Variants in DZIP1L observed in about 807,000 individuals in gnomAD.
The protein encoded by DZIP1L is cilium assembly protein DZIP1L.
DZIP1L carries 90 observed loss-of-function variants against 88.7 expected under a neutral mutation model. The observed-to-expected ratio is 1.02, with a 90% CI of 0.86 to 1.21. The LOEUF is 1.21. DZIP1L is among the 50% of genes most tolerant of loss of function. The probability of loss-of-function intolerance (pLI) is 0.00; values close to 1 mark genes in which losing one functional copy is unlikely to be tolerated. For synonymous variants in DZIP1L, 363 were observed against 372.1 expected (o/e 0.98, Z 0.28); for missense variants, 932 against 955.8 (o/e 0.98, Z 0.33).
rs1326243417 is a variant in DZIP1L at position 138,106,246 on chromosome 3, C to A, written c.-81-2194G>T. On this transcript the variant is annotated intron_variant, in intron 1 of 15. Coordinates refer to ENST00000327532, the MANE Select transcript of DZIP1L (RefSeq NM_173543.3). ...CTCCACCTCCCGGGTTCATGCAATT[C>A]TCCTGCCTCAGCCTCCAGAGTAGCC... Among the ~76,000 whole-genome samples, 7 of 141,032 alleles carry A rather than the reference C, an allele frequency of 5.0e-5. 1 individual carries two copies. The Admixed American group carries it at 5.4e-4, about 11-fold the overall frequency. 92.5% of individuals were successfully genotyped at this position (141,032 alleles called of 152,430 possible).
chr3:138,095,361 T>C (rs1944420493), intron 3 of DZIP1L, among the ~76,000 whole-genome samples: 1 of 152,158 alleles, frequency 6.6e-6, no homozygotes, highest in South Asian at 2.1e-4. Flanking sequence ...GAATATCAAA[T>C]AGCATGTACA....
chr3:138,077,405 C>T, intron 11 of DZIP1L, 94 bp downstream of exon 11: 2 of 1,551,776 alleles, frequency 1.3e-6, no homozygotes, highest in Non-Finnish European at 8.8e-7. Context: ...AATGAGCTCA[C>T]AATGCAAAGA....
chr3:138,068,173 G>A lies in DZIP1L; in HGVS notation c.1810C>T (p.Pro604Ser), dbSNP rs1576433135. The stretch of plus-strand genomic sequence containing the variant: ...CACCTCATCCCGGGCCCCGAGGAAG[G>A]AGGGGTGCTGGAGGGTCCATGCAGT... ...PGLHGPSSTP[P>S]SSGPGMSTPP... Residue 604 changes from proline (P) to serine (S), a missense_variant, in exon 13 of 16, where the codon CCT becomes TCT. By Grantham distance (74) the Pro-to-Ser change is moderately conservative. Transcript: ENST00000327532. 1.3e-6 allele frequency: 2 copies of A among 1,528,308 alleles called. No individual in the cohort carries two copies. The highest frequency in any genetic ancestry group is 1.8e-6 in the Non-Finnish European group (2 of 1,134,550). The allele number at this position is 1,528,308 out of a possible 1,614,324, so 94.7% of individuals were successfully genotyped here.
intron 2 of DZIP1L, among the ~76,000 whole-genome samples, chr3:138,099,749 C>A (rs1368468851): frequency 6.6e-6 from 1 of 152,148 alleles, no homozygotes; most frequent in African/African-American, 2.4e-5. Context: ...CCCCTTACTT[C>A]CTCTCTTGCA....
chr3:138,069,299 T>A (rs407009), intron 12 of DZIP1L: 287,985 of 453,768 alleles, frequency 0.63, 95,589 homozygotes, highest in Non-Finnish European at 0.7. Context: ...TTTATTGTAA[T>A]AATACAGCTT....
At chr3:138,086,079 G>A (rs2107789722) in intron 7 of DZIP1L, among the ~76,000 whole-genome samples, 1 of 151,960 alleles carries the variant, frequency 6.6e-6, no homozygotes, top group South Asian at 2.1e-4. Flanking sequence ...GACCCAGGAA[G>A]GGGAACATCA....
chr3:138,106,136 T>TC (rs1422011788), intron 1 of DZIP1L, among the ~76,000 whole-genome samples: 2 of 133,510 alleles, frequency 1.5e-5, no homozygotes, highest in African/African-American at 5.6e-5. Context: ...TCTTTTTTTT[T>TC]TTTTTTTTTT....
Position 138,068,134 on chromosome 3 carries a change from C to A in DZIP1L, c.1832+17G>T. The A allele has an allele frequency of 6.8e-7, 1 of 1,468,700 alleles. No homozygotes were observed. Among genetic ancestry groups the A allele is most frequent in the Admixed American group, 2.4e-5 (1 of 41,212 alleles). 91.0% of individuals were successfully genotyped at this position (1,468,700 alleles called of 1,614,324 possible). ...CACCACTGCAGGTGGGGTGAGAGGG[C>A]AGAGTCTGGGGCTCACCTCATCCCG... On this transcript the variant is annotated intron_variant, in intron 13 of 15. Transcript: ENST00000327532.
chr3:138,064,668 G>C lies in DZIP1L; in HGVS notation c.2102C>G (p.Ala701Gly). ...GGVSLFFMPNAGPQRAATPGR... is the reference protein window; with the variant it reads ...GGVSLFFMPNGGPQRAATPGR... ...TGGTGTGGCAGCCCTCTGTGGCCCA[G>C]CATTGGGCATAAAAAACAGACTGAC... Residue 701 changes from alanine (A) to glycine (G), a missense_variant, in exon 15 of 16, where the codon GCT (alanine) becomes GGT (glycine). By Grantham distance (60) the Ala-to-Gly change is moderately conservative (BLOSUM62 0). Coordinates refer to ENST00000327532, the MANE Select transcript of DZIP1L (RefSeq NM_173543.3). 6.2e-7 allele frequency: 1 copy of C among 1,614,128 alleles called. No individual in the cohort carries two copies. Among genetic ancestry groups the C allele is most frequent in the Non-Finnish European group, 8.5e-7 (1 of 1,180,018 alleles).
chr3:138,114,092 T>C (rs917816674), intron 1 of DZIP1L, among the ~76,000 whole-genome samples: 4 of 152,240 alleles, frequency 2.6e-5, no homozygotes, highest in Non-Finnish European at 4.4e-5. Context: ...TTCTTTGCCA[T>C]GAAGGAGTTC....
At chr3:138,101,340 C>T (rs2042303875) in intron 2 of DZIP1L, 3 of 590,316 alleles carry the variant, frequency 5.1e-6, no homozygotes, top group East Asian at 2.9e-5. Context: ...CAGTAAACTC[C>T]CCCGCAGGTG....
intron 2 of DZIP1L, chr3:138,101,345 C>A (rs2042305058): frequency 3.3e-6 from 2 of 598,622 alleles, no homozygotes; most frequent in South Asian, 4.1e-5. Flanking sequence ...AACTCCCCCG[C>A]AGGTGGGTTG....
rs542679337 is a variant in DZIP1L at position 138,065,958 on chromosome 3, G to A, written c.2003-1191C>T. ...TTAGATAGAAAATAATACGTTTAACGAATATTTTCATTCCACTTACCATGA... is the reference window on the plus strand; with the variant it reads ...TTAGATAGAAAATAATACGTTTAACAAATATTTTCATTCCACTTACCATGA... On this transcript the variant is annotated intron_variant, in intron 14 of 15. Transcript: ENST00000327532. 3.7e-4 allele frequency among the ~76,000 whole-genome samples: 57 copies of A among 152,290 alleles called. No homozygotes were observed. In the South Asian group the frequency reaches 0.011, roughly 30 times the overall value.
At chr3:138,073,264 C>T (rs1489724694) in intron 11 of DZIP1L, among the ~76,000 whole-genome samples, 1 of 152,100 alleles carries the variant, frequency 6.6e-6, no homozygotes, top group African/African-American at 2.4e-5. Context: ...AACACAAAAC[C>T]AATGCACTAA....
intron 14 of DZIP1L, among the ~76,000 whole-genome samples, chr3:138,066,341 T>A (rs1942898140): frequency 6.6e-6 from 1 of 152,228 alleles, no homozygotes; most frequent in South Asian, 2.1e-4. Context: ...CACCAACTCT[T>A]GATCTGGTGC....
In DZIP1L at chr3:138,074,024, A is replaced by T. The variant is rs1293035629; in HGVS notation, c.1423-2189T>A. Among the ~76,000 whole-genome samples, 4 of 152,150 alleles carry T rather than the reference A, an allele frequency of 2.6e-5. No homozygotes were observed. In the East Asian group the frequency reaches 7.7e-4, roughly 29 times the overall value. Reference sequence around the variant, plus strand: ...TCCATAGAAGACAAAAAAGAATTTTAAAAAAATGAACAAAGTCTCCAAGAA... The same window carrying T: ...TCCATAGAAGACAAAAAAGAATTTTTAAAAAATGAACAAAGTCTCCAAGAA... On this transcript the variant is annotated intron_variant, in intron 11 of 15. Coordinates refer to ENST00000327532, the MANE Select transcript of DZIP1L (RefSeq NM_173543.3).
intron 7 of DZIP1L, among the ~76,000 whole-genome samples, chr3:138,084,886 C>T (rs1353657618): frequency 6.6e-6 from 1 of 152,178 alleles, no homozygotes; most frequent in African/African-American, 2.4e-5. Flanking sequence ...AATAGGAAAT[C>T]CTTTCCCCAT....
intron 1 of DZIP1L, chr3:138,113,318 A>G (rs1006197848): frequency 6.6e-6 from 1 of 152,202 alleles, no homozygotes; most frequent in Admixed American, 6.5e-5. Context: ...AACTCCCTCA[A>G]AATTGGCCAA....
At chr3:138,074,572 C>T (rs2724703) in intron 11 of DZIP1L, among the ~76,000 whole-genome samples, 128,928 of 151,944 alleles carry the variant, frequency 0.85, 55,005 homozygotes, top group Middle Eastern at 0.9. Context: ...TCTAAATCTT[C>T]TTTTTTAATT....
Sources: allele counts gnomAD v4.1 joint callset (sites outside exome capture counted in the v4.1 genomes callset), GRCh38; gene constraint gnomAD v4.1.1; transcripts MANE v1.5; gene names NCBI Gene and HGNC (gene_info 2026-07-23, HGNC 2026-07-21).